The following MAP3K4 variants were observed in gnomAD, a reference collection of about 807,000 sequenced individuals.
MAP3K4 encodes the protein MAP three kinase 1.
A neutral mutation model predicts 185.6 loss-of-function variants in MAP3K4; 67 were observed. That is an observed-to-expected ratio of 0.36 (90% confidence interval 0.30 to 0.44). MAP3K4 has a LOEUF of 0.44. MAP3K4 is among the 20% of genes least tolerant of loss of function. The pLI is 1.00. For missense variants in MAP3K4, 1,551 were observed against 1,995.1 expected, an observed-to-expected ratio of 0.78 and a Z score of 4.24; for synonymous variants, 702 against 710.4, an observed-to-expected ratio of 0.99 and a Z score of 0.19.
chr6:161,108,286 T>C lies in MAP3K4; in HGVS notation c.4119+317T>C, dbSNP rs922289979. 7.9e-5 allele frequency among the ~76,000 whole-genome samples: 12 copies of C among 152,076 alleles called. No individual in the cohort carries two copies. The highest frequency in any genetic ancestry group is 1.5e-4 in the Non-Finnish European group (10 of 67,988). The stretch of plus-strand genomic sequence containing the variant: ...AACAGTAGTGTCTTATGGGGACACA[T>C]TGGGGGAGAAGATAACATTTATGAT... On this transcript the variant is annotated intron_variant, in intron 21 of 26. Coordinates refer to ENST00000392142, the MANE Select transcript of MAP3K4 (RefSeq NM_005922.4). This position sits in a 1 kb window ranked among gnomAD's most constrained non-coding sequence, Gnocchi z 5.7.
At chr6:161,004,425 G>A (rs1256496483) in intron 1 of MAP3K4, among the ~76,000 whole-genome samples, 4 of 152,178 alleles carry the variant, frequency 2.6e-5, no homozygotes, top group Middle Eastern at 3.2e-3. Context: ...AGAAGGCTAA[G>A]CATTTCTTCT....
intron 1 of MAP3K4, among the ~76,000 whole-genome samples, chr6:161,025,264 T>A (rs1426222604): frequency 1.3e-5 from 2 of 152,196 alleles, no homozygotes; most frequent in Non-Finnish European, 2.9e-5. Flanking sequence ...AGTCCCACAA[T>A]CAGCCATTTC....
chr6:160,991,938 G>A lies in MAP3K4; in HGVS notation c.7G>A (p.Glu3Lys), dbSNP rs1190053319. 1 of 1,539,438 alleles carries A rather than the reference G, an allele frequency of 6.5e-7. No individual in the cohort carries two copies. The highest frequency in any genetic ancestry group is 8.7e-7 in the Non-Finnish European group (1 of 1,150,906). ...TGCGGGGCTCCGTGCACGGATGAGAGAAGCCGCTGCCGCGCTGGTCCCTCC... is the reference window on the plus strand; with the variant it reads ...TGCGGGGCTCCGTGCACGGATGAGAAAAGCCGCTGCCGCGCTGGTCCCTCC... MR[E>K]AAAALVPPPA... is the part of the protein sequence containing the mutation. Residue 3 changes from glutamate (E) to lysine (K), a missense_variant, in exon 1 of 27, where the codon GAA becomes AAA. Coordinates refer to ENST00000392142, the MANE Select transcript of MAP3K4 (RefSeq NM_005922.4). The surrounding 1 kb of genome is among the most constrained non-coding windows in gnomAD (Gnocchi z 5.7).
chr6:161,082,790 G>T lies in MAP3K4; in HGVS notation c.2256-1711G>T, dbSNP rs1186335553. Among the ~76,000 whole-genome samples, 2 of 152,122 alleles carry T rather than the reference G, an allele frequency of 1.3e-5. No individual in the cohort carries two copies. The highest frequency in any genetic ancestry group is 4.8e-5 in the African/African-American group (2 of 41,428). On this transcript the variant is annotated intron_variant, in intron 6 of 26. Coordinates refer to ENST00000392142, the MANE Select transcript of MAP3K4 (RefSeq NM_005922.4). The surrounding 1 kb of genome is among the most constrained non-coding windows in gnomAD (Gnocchi z 4.2). ...TCCCAGGTTGTCATTTCTCACGTAT[G>T]TTATTGCAGTAGCTCTCTAAACAGT... is the stretch of plus-strand genomic sequence containing the variant.
At chr6:161,081,640 C>T (rs961802251) in intron 6 of MAP3K4, among the ~76,000 whole-genome samples, 8 of 152,048 alleles carry the variant, frequency 5.3e-5, no homozygotes, top group African/African-American at 9.7e-5. Flanking sequence ...AGTGCAGAGT[C>T]GCAGGGCTGG....
At chr6:161,026,221 CCT>C in intron 1 of MAP3K4, among the ~76,000 whole-genome samples, 1 of 152,114 alleles carries the variant, frequency 6.6e-6, no homozygotes, top group Non-Finnish European at 1.5e-5. Flanking sequence ...AGCTCTGCCT[CCT>C]GGGTTCATGC....
rs141772956 is a variant in MAP3K4 at position 161,028,123 on chromosome 6, C to T, written c.153-6136C>T. 6.8e-3 allele frequency among the ~76,000 whole-genome samples: 1,028 copies of T among 152,270 alleles called. 9 individuals are homozygous for T. Among genetic ancestry groups the T allele is most frequent in the African/African-American group, 0.023 (975 of 41,530 alleles). ...GTCACAAAGTCATTCCACATTCAAG[C>T]GTAGATATGCAGGTTTGTGACCATG... On this transcript the variant is annotated intron_variant, in intron 1 of 26. Coordinates refer to ENST00000392142, the MANE Select transcript of MAP3K4 (RefSeq NM_005922.4).
chr6:161,004,459 A>G (rs542150012), intron 1 of MAP3K4, among the ~76,000 whole-genome samples: 2 of 152,324 alleles, frequency 1.3e-5, no homozygotes, highest in African/African-American at 4.8e-5. Flanking sequence ...ATCAATAACA[A>G]CATGACAGAT....
At position 161,073,909 on chromosome 6, in the gene MAP3K4, T is replaced by C. The variant is rs1335940012; in HGVS notation, c.2097+297T>C. On this transcript the variant is annotated intron_variant, in intron 5 of 26. Transcript: ENST00000392142. This position sits in a 1 kb window ranked among gnomAD's most constrained non-coding sequence, Gnocchi z 4.2. ...TTAAGTTGGAAGTTTTTGACAAACG[T>C]TAACCTAGTTCATTCTTTACTTGTA... 1.3e-5 allele frequency among the ~76,000 whole-genome samples: 2 copies of C among 152,242 alleles called. No individual in the cohort carries two copies. The highest frequency in any genetic ancestry group is 2.9e-5 in the Non-Finnish European group (2 of 68,042).
At position 161,089,219 on chromosome 6, in the gene MAP3K4, C is replaced by T. The variant is rs566399181; in HGVS notation, c.2824-103C>T. 1,271 of 1,272,370 alleles carry T rather than the reference C, an allele frequency of 1.0e-3. 7 individuals carry two copies. The highest frequency in any genetic ancestry group is 7.2e-3 in the South Asian group (507 of 70,260). The allele number at this position is 1,272,370 out of a possible 1,614,324, so 78.8% of individuals were successfully genotyped here. A position where few individuals can be genotyped will look rare whatever the true frequency, so the allele number is the denominator to read the frequency against. On this transcript the variant is annotated intron_variant, in intron 10 of 26. Transcript: ENST00000392142. ...ACTTTCTGATTAGATGGTTGTTGGC[C>T]TGGTATCCCTGAGATTGGCATTGTT...
rs918882346 is a variant in MAP3K4 at position 161,091,273 on chromosome 6, G to A, written c.2974-106G>A. The A allele has an allele frequency of 3.0e-5, 24 of 797,294 alleles. No individual in the cohort carries two copies. The African/African-American group carries it at 3.7e-4, about 12-fold the overall frequency. 49.4% of individuals were successfully genotyped at this position (797,294 alleles called of 1,614,324 possible). On this transcript the variant is annotated intron_variant, in intron 11 of 26. Transcript: ENST00000392142. This position sits in a 1 kb window ranked among gnomAD's most constrained non-coding sequence, Gnocchi z 5.5. The stretch of plus-strand genomic sequence containing the variant: ...CCTTTACCAAGTGGCTGAATTGTTT[G>A]TAGTGGTTAATGTCTGTGTGATGAT...
intron 3 of MAP3K4, among the ~76,000 whole-genome samples, chr6:161,050,710 G>A (rs948260639): frequency 6.6e-6 from 1 of 152,164 alleles, no homozygotes; most frequent in Non-Finnish European, 1.5e-5. Flanking sequence ...CTAGACAAGG[G>A]CATTTTGTGG....
At chr6:161,069,339 A>G (rs1034419992) in intron 3 of MAP3K4, among the ~76,000 whole-genome samples, 4 of 152,198 alleles carry the variant, frequency 2.6e-5, no homozygotes, top group African/African-American at 9.7e-5. Context: ...AGTCACTGGA[A>G]AGGTATCATG....
intron 15 of MAP3K4, among the ~76,000 whole-genome samples, chr6:161,094,313 G>A (rs1350435560): frequency 6.6e-6 from 1 of 152,142 alleles, no homozygotes; most frequent in Non-Finnish European, 1.5e-5. Flanking sequence ...CCCACCAGCT[G>A]TAGTAAATTC....
chr6:161,114,446 A>G lies in MAP3K4; in HGVS notation c.4627-677A>G, dbSNP rs528153193. On this transcript the variant is annotated intron_variant, in intron 25 of 26. Transcript: ENST00000392142. The surrounding 1 kb of genome is among the most constrained non-coding windows in gnomAD (Gnocchi z 4.3). ...TTGCAGCTGCTGAAACAGATCACAT[A>G]TAAGTGCTCAGTAAATATTAGCTAG... 1.1e-4 allele frequency among the ~76,000 whole-genome samples: 16 copies of G among 152,340 alleles called. No individual in the cohort carries two copies. In the East Asian group the frequency reaches 1.9e-3, roughly 18 times the overall value.
rs1235677878 is a variant in MAP3K4 at position 161,080,738 on chromosome 6, A to G, written c.2098-143A>G. ...TAGACCTCAGCTAACAGTGGTGAGA[A>G]CCTTGCTTCTGTCGGTGCTGCGTGC... On this transcript the variant is annotated intron_variant, in intron 5 of 26. Transcript: ENST00000392142. This position sits in a 1 kb window ranked among gnomAD's most constrained non-coding sequence, Gnocchi z 4.8. 3.0e-5 allele frequency: 20 copies of G among 665,312 alleles called. No individual in the cohort carries two copies. Among genetic ancestry groups the G allele is most frequent in the Non-Finnish European group, 5.3e-5 (20 of 379,026 alleles). The allele number at this position is 665,312 out of a possible 1,614,324, so 41.2% of individuals were successfully genotyped here. A position where few individuals can be genotyped will look rare whatever the true frequency, so the allele number is the denominator to read the frequency against.
At chr6:161,102,237 T>A (rs1206028557) in intron 18 of MAP3K4, among the ~76,000 whole-genome samples, 1 of 152,238 alleles carries the variant, frequency 6.6e-6, no homozygotes, top group Admixed American at 6.5e-5. Flanking sequence ...TTTGTTGCTT[T>A]AAAAATATTA....
Position 161,073,587 on chromosome 6 carries a change from A to G in MAP3K4, c.2072A>G (p.Glu691Gly). The G allele has an allele frequency of 6.2e-7, 1 of 1,614,006 alleles. No individual in the cohort carries two copies. The highest frequency in any genetic ancestry group is 8.5e-7 in the Non-Finnish European group (1 of 1,179,946). ...EKPDCNIDAF[E>G]EDLHKMLMVY... Reference sequence around the variant, plus strand: ...CCCGACTGCAACATTGACGCTTTTGAAGAGGATCTACATAAAATGCTTATG... The same window carrying G: ...CCCGACTGCAACATTGACGCTTTTGGAGAGGATCTACATAAAATGCTTATG... Residue 691 changes from glutamate to glycine, a missense_variant, in exon 5 of 27, where the codon GAA becomes GGA. Transcript: ENST00000392142. This position sits in a 1 kb window ranked among gnomAD's most constrained non-coding sequence, Gnocchi z 4.2.
chr6:161,079,236 C>T (rs1298567478), intron 5 of MAP3K4, among the ~76,000 whole-genome samples: 1 of 81,272 alleles, frequency 1.2e-5, no homozygotes, highest in African/African-American at 4.8e-5. Flanking sequence ...AAAAAAAAAG[C>T]AGTGGGAACA....
Sources: gnomAD v4.1 joint callset for allele counts (sites outside exome capture counted in the v4.1 genomes callset) on GRCh38, gnomAD v4.1.1 for gene constraint, Gnocchi (gnomAD v3.1) non-coding constraint, MANE v1.5 for transcripts, NCBI Gene and HGNC (gene_info 2026-07-23, HGNC 2026-07-21) for gene names.